The following GADL1 variants were observed in gnomAD, a reference collection of about 807,000 sequenced individuals.
GADL1 encodes GAD like acidic amino acid decarboxylase 1.
Under a neutral mutation model 69.5 loss-of-function variants are expected in GADL1, and 71 were observed. The observed-to-expected ratio is 1.02, with a 90% CI of 0.84 to 1.25. The LOEUF is 1.25. GADL1 is among the 50% of genes most tolerant of loss of function. The pLI is 0.00. For synonymous variants in GADL1, 254 were observed against 214.4 expected (o/e 1.18, Z -1.62); for missense variants, 737 against 631.8 (o/e 1.17, Z -1.79).
intron 1 of GADL1, among the ~76,000 whole-genome samples, chr3:30,889,450 AG>A (rs1698756947): frequency 6.6e-6 from 1 of 152,220 alleles, no homozygotes. Flanking sequence ...CAAAACAATT[AG>A]GGAACACTTA....
chr3:30,814,896 GGAGATTTCAATGAGCC>G (rs926497593), intron 11 of GADL1, among the ~76,000 whole-genome samples: 9 of 151,810 alleles, frequency 5.9e-5, no homozygotes, highest in Non-Finnish European at 1.2e-4. Context: ...CCTGGGAGGC[GGAGATTTCAATGAGCC>G]GAGATTGTGC....
At chr3:30,804,318 G>T (rs9871174) in intron 11 of GADL1, among the ~76,000 whole-genome samples, 24,906 of 131,672 alleles carry the variant, frequency 0.19, 4,792 homozygotes, top group African/African-American at 0.52. Context: ...GAATCTGTGA[G>T]CATGGAGAGG....
chr3:30,822,632 C>T (rs1047578907), intron 11 of GADL1, among the ~76,000 whole-genome samples: 1 of 151,898 alleles, frequency 6.6e-6, no homozygotes, highest in African/African-American at 2.4e-5. Flanking sequence ...TGGTGTTTTA[C>T]AACTAATTTT....
At chr3:30,838,934 A>T in intron 9 of GADL1, 63 bp downstream of exon 9, 1 of 1,014,148 alleles carries the variant, frequency 9.9e-7, no homozygotes, top group Non-Finnish European at 1.5e-6. Context: ...AATAAGAAAA[A>T]TTTCTACCAA....
chr3:30,762,053 A>T (rs1457295674), intron 14 of GADL1, among the ~76,000 whole-genome samples: 1 of 152,214 alleles, frequency 6.6e-6, no homozygotes, highest in Admixed American at 6.5e-5. Flanking sequence ...AGAGGTCTGG[A>T]TGCAGGAGAC....
At chr3:30,865,568 C>G (rs1191982711) in intron 1 of GADL1, among the ~76,000 whole-genome samples, 1 of 151,944 alleles carries the variant, frequency 6.6e-6, no homozygotes, top group Non-Finnish European at 1.5e-5. Flanking sequence ...GGAGACTGGA[C>G]CTGATTAAGC....
intron 11 of GADL1, among the ~76,000 whole-genome samples, chr3:30,818,051 G>A (rs188237035): frequency 3.2e-4 from 48 of 152,270 alleles, no homozygotes; most frequent in Non-Finnish European, 5.7e-4. Context: ...GATATTCATT[G>A]TAGACACAAT....
intron 12 of GADL1, 75 bp downstream of exon 12, chr3:30,800,814 C>G (rs961223933): frequency 2.1e-4 from 34 of 165,514 alleles, no homozygotes; most frequent in Non-Finnish European, 3.4e-4. Context: ...TAGACACACA[C>G]ACACACACAC....
chr3:30,828,479 T>G (rs201435873), intron 11 of GADL1, among the ~76,000 whole-genome samples: 1,207 of 132,862 alleles, frequency 9.1e-3, no homozygotes, highest in Non-Finnish European at 0.014. Flanking sequence ...AAAATAAAAG[T>G]GGGGGGGGTG....
At chr3:30,804,740 C>T (rs1379087997) in intron 11 of GADL1, among the ~76,000 whole-genome samples, 1 of 152,242 alleles carries the variant, frequency 6.6e-6, no homozygotes, top group Non-Finnish European at 1.5e-5. Flanking sequence ...TCCGGTTATA[C>T]TGAGGTCTAT....
chr3:30,734,688 A>C (rs1026530246), intron 14 of GADL1, among the ~76,000 whole-genome samples: 1 of 152,216 alleles, frequency 6.6e-6, no homozygotes, highest in African/African-American at 2.4e-5. Context: ...CCAAATAAAA[A>C]AAATTGCTAA....
chr3:30,827,769 C>A (rs578047221), intron 11 of GADL1, among the ~76,000 whole-genome samples: 1 of 151,858 alleles, frequency 6.6e-6, no homozygotes, highest in Non-Finnish European at 1.5e-5. Context: ...TGAATGAATT[C>A]TCTCTGTTTG....
chr3:30,792,145 G>C (rs1342706860), intron 12 of GADL1, among the ~76,000 whole-genome samples: 2 of 152,112 alleles, frequency 1.3e-5, no homozygotes, highest in Admixed American at 6.6e-5. Flanking sequence ...CTATAACAAA[G>C]GTCTTACACC....
At chr3:30,758,141 T>C (rs888896019) in intron 14 of GADL1, among the ~76,000 whole-genome samples, 2 of 149,690 alleles carry the variant, frequency 1.3e-5, no homozygotes, top group African/African-American at 5.1e-5. Context: ...ACCAAACTAC[T>C]CTCTCCAACC....
At chr3:30,891,032 T>TCTTCCTTC (rs59987855) in intron 1 of GADL1, among the ~76,000 whole-genome samples, 5,279 of 150,278 alleles carry the variant, frequency 0.035, 121 homozygotes, top group Middle Eastern at 0.054. Flanking sequence ...TACTTTGCAT[T>TCTTCCTTC]CTTCCTTCCT....
intron 13 of GADL1, among the ~76,000 whole-genome samples, chr3:30,784,931 CAG>C (rs1295029428): frequency 6.6e-6 from 1 of 152,200 alleles, no homozygotes; most frequent in Non-Finnish European, 1.5e-5. Context: ...TGCTCAAAGA[CAG>C]AACTCTCTTC....
intron 1 of GADL1, among the ~76,000 whole-genome samples, chr3:30,881,596 G>A (rs962072245): frequency 1.3e-5 from 2 of 151,798 alleles, no homozygotes; most frequent in African/African-American, 4.8e-5. Flanking sequence ...CTCAAGAACA[G>A]CAATCTGAGA....
At chr3:30,881,278 A>T (rs1698637550) in intron 1 of GADL1, among the ~76,000 whole-genome samples, 1 of 151,988 alleles carries the variant, frequency 6.6e-6, no homozygotes, top group Non-Finnish European at 1.5e-5. Flanking sequence ...TATAACTAGA[A>T]CATATGCAAG....
At chr3:30,789,132 A>G (rs1300363819) in intron 12 of GADL1, among the ~76,000 whole-genome samples, 1 of 152,226 alleles carries the variant, frequency 6.6e-6, no homozygotes. Context: ...ATAGCCTTAC[A>G]AAACACATTT....
Sources: allele counts gnomAD v4.1 joint callset (sites outside exome capture counted in the v4.1 genomes callset), GRCh38; gene constraint gnomAD v4.1.1; transcripts MANE v1.5; gene names NCBI Gene and HGNC (gene_info 2026-07-23, HGNC 2026-07-21).